Variants in FBN1 observed in about 807,000 individuals in gnomAD.
FBN1 encodes the protein fibrillin-1.
Under a neutral mutation model 365.1 loss-of-function variants are expected in FBN1, and 29 were observed. The ratio of observed to expected loss-of-function variants is 0.08; its 90% CI spans 0.06 to 0.11. The LOEUF is 0.11. Among genes scored for constraint, FBN1 ranks in the 10% least tolerant of loss-of-function variants. The probability of loss-of-function intolerance (pLI) is 1.00; values close to 1 mark genes in which losing one functional copy is unlikely to be tolerated. For synonymous variants in FBN1, 1,210 were observed against 1,270.5 expected, an observed-to-expected ratio of 0.95 and a Z score of 1.01; for missense variants, 2,476 against 3,703.2, an observed-to-expected ratio of 0.67 and a Z score of 8.60.
At chr15:48,636,854 AAAG>A (rs1890103125) in intron 2 of FBN1, among the ~76,000 whole-genome samples, 1 of 152,244 alleles carries the variant, frequency 6.6e-6, no homozygotes, top group Admixed American at 6.5e-5. Flanking sequence ...GAATCATGAG[AAAG>A]AATAAAATTG....
At chr15:48,457,501 C>T (rs2043250114) in intron 43 of FBN1, among the ~76,000 whole-genome samples, 1 of 152,006 alleles carries the variant, frequency 6.6e-6, no homozygotes, top group African/African-American at 2.4e-5. Context: ...AGAACACAGC[C>T]AGGATCCAGG....
chr15:48,418,591 C>T (rs2042918185), intron 63 of FBN1, among the ~76,000 whole-genome samples: 2 of 152,158 alleles, frequency 1.3e-5, no homozygotes, highest in Admixed American at 6.5e-5. Flanking sequence ...TTTTCCTGAC[C>T]TTTTTCATCC....
At chr15:48,442,833 A>T (rs553124681) in intron 49 of FBN1, among the ~76,000 whole-genome samples, 4 of 152,318 alleles carry the variant, frequency 2.6e-5, no homozygotes, top group African/African-American at 9.6e-5. Context: ...CAAAGTGGTA[A>T]GTCTTAATTC....
chr15:48,636,696 C>G (rs1157813434), intron 2 of FBN1, among the ~76,000 whole-genome samples: 1 of 152,172 alleles, frequency 6.6e-6, no homozygotes, highest in African/African-American at 2.4e-5. Flanking sequence ...AAACCACACC[C>G]AAGTAAACAG....
At chr15:48,619,510 T>C (rs1597637267) in intron 2 of FBN1, among the ~76,000 whole-genome samples, 2 of 152,170 alleles carry the variant, frequency 1.3e-5, no homozygotes, top group African/African-American at 2.4e-5. Context: ...TCTTCCACTC[T>C]GTCTCTTTTC....
Position 48,495,223 on chromosome 15 carries a change from A to G in FBN1, c.2577T>C (p.Asp859=), listed in dbSNP as rs779997664. ...IKGTCWQTVI[D]GRCEININGA... ...CATTGATGTTGATCTCACATCGCCC[A>G]TCAATGACAGTCTGCCAGCAAGTGC... Residue 859 remains aspartate, a synonymous_variant, in exon 22 of 66, where the codon GAT becomes GAC. Coordinates refer to ENST00000316623, the MANE Select transcript of FBN1 (RefSeq NM_000138.5). The G allele has an allele frequency of 1.9e-6, 3 of 1,614,086 alleles. No individual in the cohort carries two copies. The highest frequency in any genetic ancestry group is 1.3e-5 in the African/African-American group (1 of 74,928).
intron 13 of FBN1, 33 bp from the exon 14 acceptor site, chr15:48,510,202 T>C (rs761799044): frequency 6.2e-7 from 1 of 1,608,132 alleles, no homozygotes; most frequent in South Asian, 1.1e-5. Context: ...AGAAATAGCT[T>C]TATTTAGGGG....
chr15:48,634,903 A>T (rs1335806448), intron 2 of FBN1, among the ~76,000 whole-genome samples: 4 of 147,010 alleles, frequency 2.7e-5, no homozygotes, highest in African/African-American at 1.0e-4. Flanking sequence ...ACACACACAC[A>T]AAATGAAACC....
chr15:48,538,599 T>C (rs1391438892), intron 6 of FBN1, among the ~76,000 whole-genome samples: 2 of 151,380 alleles, frequency 1.3e-5, no homozygotes, highest in Non-Finnish European at 2.9e-5. Context: ...TTTTTTTTCC[T>C]ACAGAGAGAG....
rs193024758 is a variant in FBN1, at chr15:48,479,951, A to G, written c.3964+1704T>C. ...TGGCTTTCACTAAAATGGCCTCTAGACACTGTGTCTATGTTTCATTTGACA... is the reference window on the plus strand; with the variant it reads ...TGGCTTTCACTAAAATGGCCTCTAGGCACTGTGTCTATGTTTCATTTGACA... On this transcript the variant is annotated intron_variant, in intron 32 of 65. Transcript: ENST00000316623. 3.3e-5 allele frequency among the ~76,000 whole-genome samples: 5 copies of G among 152,334 alleles called. No homozygotes were observed. In the East Asian group the frequency reaches 7.7e-4, roughly 23 times the overall value.
intron 49 of FBN1, among the ~76,000 whole-genome samples, chr15:48,444,094 A>G (rs2043136380): frequency 6.6e-6 from 1 of 152,196 alleles, no homozygotes; most frequent in African/African-American, 2.4e-5. Context: ...TTTATTTGAA[A>G]TAAGACATTT....
chr15:48,462,928 C>A (rs1290173484), intron 42 of FBN1, among the ~76,000 whole-genome samples, 154 bp downstream of exon 42: 1 of 152,192 alleles, frequency 6.6e-6, no homozygotes, highest in Non-Finnish European at 1.5e-5. Flanking sequence ...GCTGGAATGA[C>A]CAGCACCAAC....
At chr15:48,481,924 A>G (rs2043468526) in intron 31 of FBN1, 144 bp from the exon 32 acceptor site, 2 of 798,390 alleles carry the variant, frequency 2.5e-6, no homozygotes, top group East Asian at 2.8e-5. Flanking sequence ...TTAGAGGCCA[A>G]TTTACATTTG....
chr15:48,508,514 A>G, intron 15 of FBN1, 68 bp downstream of exon 15: 2 of 1,602,820 alleles, frequency 1.2e-6, no homozygotes, highest in East Asian at 4.5e-5. Flanking sequence ...GAAAGGTAGT[A>G]CCTCTAAACA....
chr15:48,571,490 A>G (rs2044305084), intron 6 of FBN1, among the ~76,000 whole-genome samples: 1 of 152,240 alleles, frequency 6.6e-6, no homozygotes, highest in South Asian at 2.1e-4. Flanking sequence ...AAATGAAAAT[A>G]AAAATATATG....
chr15:48,472,232 T>A (rs2043381948), intron 35 of FBN1, among the ~76,000 whole-genome samples: 2 of 152,122 alleles, frequency 1.3e-5, no homozygotes, highest in South Asian at 2.1e-4. Context: ...ACAGGTTGCA[T>A]CCCCCTCCGT....
chr15:48,453,291 AAAC>A (rs1227587882), intron 44 of FBN1, among the ~76,000 whole-genome samples: 9 of 74,534 alleles, frequency 1.2e-4, no homozygotes, highest in African/African-American at 4.9e-4. Flanking sequence ...AAAATAAAAC[AAAC>A]AAAAAAAAAA....
intron 6 of FBN1, among the ~76,000 whole-genome samples, chr15:48,593,278 AG>A (rs2044492096): frequency 6.6e-6 from 1 of 152,232 alleles, no homozygotes; most frequent in South Asian, 2.1e-4. Flanking sequence ...AATGTATAAA[AG>A]TTCCAAGGTC....
chr15:48,410,885 G>T lies in FBN1; in HGVS notation c.*105C>A. 2 of 1,120,914 alleles carry T rather than the reference G, an allele frequency of 1.8e-6. No homozygotes were observed. The highest frequency in any genetic ancestry group is 2.6e-6 in the Non-Finnish European group (2 of 774,852). The allele number at this position is 1,120,914 out of a possible 1,614,324, so 69.4% of individuals were successfully genotyped here. The stretch of plus-strand genomic sequence containing the variant: ...AGTGCTTATTTATACAAATTTACTT[G>T]GTGAAAGATTGTACCTATGATATGA... On this transcript the variant is annotated 3_prime_UTR_variant, in exon 66 of 66. Transcript: ENST00000316623.
Sources: allele counts gnomAD v4.1 joint callset (sites outside exome capture counted in the v4.1 genomes callset), GRCh38; gene constraint gnomAD v4.1.1; transcripts MANE v1.5; gene names NCBI Gene and HGNC (gene_info 2026-07-23, HGNC 2026-07-21).